The following VPS33A variants were observed in gnomAD, a reference collection of about 807,000 sequenced individuals.
VPS33A encodes vacuolar protein sorting-associated protein 33A.
VPS33A carries 32 observed loss-of-function variants against 71.8 expected under a neutral mutation model. That is an observed-to-expected ratio of 0.45 (90% confidence interval 0.34 to 0.60). The LOEUF is 0.60. Ranked by LOEUF, VPS33A falls within the 20% of genes least tolerant of loss-of-function variation. The pLI is 0.02. For synonymous variants in VPS33A, 311 were observed against 292.7 expected, an observed-to-expected ratio of 1.06 and a Z score of -0.64; for missense variants, 625 against 748.5, an observed-to-expected ratio of 0.84 and a Z score of 1.92.
At position 122,261,235 on chromosome 12, in the gene VPS33A, T is replaced by C. The variant is rs866034491; in HGVS notation, c.483+26A>G. 7 of 1,593,890 alleles carry C rather than the reference T, an allele frequency of 4.4e-6. No individual in the cohort carries two copies. The South Asian group carries it at 4.5e-5, about 10-fold the overall frequency. On this transcript the variant is annotated intron_variant, in intron 4 of 12. Coordinates refer to ENST00000267199, the MANE Select transcript of VPS33A (RefSeq NM_022916.6). ...CATAAACTGGGCAAAAATTAATGCC[T>C]GAAGTTAAGGAAATGCCAAACTTAC...
At chr12:122,239,624 C>T (rs1279997503) in intron 9 of VPS33A, among the ~76,000 whole-genome samples, 1 of 151,764 alleles carries the variant, frequency 6.6e-6, no homozygotes, top group East Asian at 1.9e-4. Context: ...GTCCCAGCTA[C>T]TCGGGAGGCT....
intron 8 of VPS33A, among the ~76,000 whole-genome samples, chr12:122,240,191 G>A (rs1250345767): frequency 6.6e-6 from 1 of 152,022 alleles, no homozygotes; most frequent in Non-Finnish European, 1.5e-5. Context: ...AGCTGGGTAT[G>A]GTGGCACACA....
chr12:122,265,564 T>C (rs938151456), intron 1 of VPS33A: 1 of 286,034 alleles, frequency 3.5e-6, no homozygotes, highest in African/African-American at 2.2e-5. Flanking sequence ...CAGCATCCTT[T>C]TCTGAATTGA....
chr12:122,263,778 C>G (rs549789832), intron 2 of VPS33A, 79 bp from the exon 3 acceptor site: 1 of 1,448,596 alleles, frequency 6.9e-7, no homozygotes, highest in East Asian at 2.3e-5. Flanking sequence ...ATCATAAATA[C>G]CCCCAATCAA....
At chr12:122,262,332 T>C (rs1484428686) in intron 3 of VPS33A, among the ~76,000 whole-genome samples, 1 of 152,206 alleles carries the variant, frequency 6.6e-6, no homozygotes, top group Non-Finnish European at 1.5e-5. Context: ...TATGGGGCAT[T>C]GAAGCTCTCA....
intron 4 of VPS33A, among the ~76,000 whole-genome samples, chr12:122,254,205 C>G (rs991649912): frequency 6.6e-6 from 1 of 152,124 alleles, no homozygotes; most frequent in African/African-American, 2.4e-5. Flanking sequence ...ATGGTCACAA[C>G]TGTAACTCAA....
chr12:122,266,301 C>T lies in VPS33A; in HGVS notation c.102+6G>A. On this transcript the variant is annotated splice_donor_region_variant and intron_variant, in intron 1 of 12. Transcript: ENST00000267199. Reference sequence around the variant, plus strand: ...GAGGGCGGTGTCGCTGCCTCCCGCCCCTCACCTTGCTTCCTGCGCACTTGT... The same window carrying T: ...GAGGGCGGTGTCGCTGCCTCCCGCCTCTCACCTTGCTTCCTGCGCACTTGT... 2 of 1,610,208 alleles carry T rather than the reference C, an allele frequency of 1.2e-6. No homozygotes were observed. Among genetic ancestry groups the T allele is most frequent in the Non-Finnish European group, 1.7e-6 (2 of 1,179,782 alleles).
chr12:122,260,392 C>T (rs571679215), intron 4 of VPS33A, among the ~76,000 whole-genome samples: 2 of 151,324 alleles, frequency 1.3e-5, no homozygotes, highest in Non-Finnish European at 2.9e-5. Context: ...CTCCACCTCC[C>T]GGGTTCAAGT....
chr12:122,262,937 G>A (rs1955016613), intron 3 of VPS33A, among the ~76,000 whole-genome samples: 1 of 151,542 alleles, frequency 6.6e-6, no homozygotes, highest in African/African-American at 2.4e-5. Flanking sequence ...AGAATGGGGG[G>A]ACACATCCTC....
At chr12:122,247,937 C>G (rs1039389326) in intron 6 of VPS33A, among the ~76,000 whole-genome samples, 3 of 152,166 alleles carry the variant, frequency 2.0e-5, no homozygotes, top group African/African-American at 7.2e-5. Flanking sequence ...CACTCTGTCA[C>G]CCGGGCTGGA....
chr12:122,239,980 T>G (rs1416783237), intron 8 of VPS33A, 35 bp from the exon 9 acceptor site: 10 of 1,494,298 alleles, frequency 6.7e-6, no homozygotes, highest in African/African-American at 2.8e-5. Context: ...AACTTAGAAA[T>G]TAAATGTTAA....
chr12:122,234,003 G>A (rs191312629), intron 11 of VPS33A, among the ~76,000 whole-genome samples: 2 of 152,234 alleles, frequency 1.3e-5, no homozygotes, highest in African/African-American at 4.8e-5. Flanking sequence ...ATGAGCTTTT[G>A]TTGCAAGAGG....
intron 10 of VPS33A, 92 bp downstream of exon 10, chr12:122,238,495 T>C: frequency 2.1e-6 from 3 of 1,450,374 alleles, no homozygotes; most frequent in South Asian, 2.8e-5. Flanking sequence ...GTGCTGGGAT[T>C]ACAGGCGTAA....
At position 122,235,934 on chromosome 12, in the gene VPS33A, A is replaced by T; in HGVS notation, c.1303-11T>A. 6.3e-7 allele frequency: 1 copy of T among 1,595,242 alleles called. No individual in the cohort carries two copies. Among genetic ancestry groups the T allele is most frequent in the South Asian group, 1.1e-5 (1 of 87,850 alleles). ...CTCATAGCCGTATGTCTGCAAGGGAAGTCATTTGGCCTTGATGTCAGATCA... is the reference window on the plus strand; with the variant it reads ...CTCATAGCCGTATGTCTGCAAGGGATGTCATTTGGCCTTGATGTCAGATCA... On this transcript the variant is annotated splice_polypyrimidine_tract_variant and intron_variant, in intron 10 of 12. Coordinates refer to ENST00000267199, the MANE Select transcript of VPS33A (RefSeq NM_022916.6).
intron 6 of VPS33A, among the ~76,000 whole-genome samples, chr12:122,247,786 C>T (rs1023899292): frequency 3.3e-5 from 5 of 152,060 alleles, no homozygotes; most frequent in Non-Finnish European, 7.4e-5. Flanking sequence ...GTGGTGACTC[C>T]CCATCCCCTT....
At chr12:122,245,507 G>T (rs1201843634) in intron 6 of VPS33A, among the ~76,000 whole-genome samples, 6 of 149,368 alleles carry the variant, frequency 4.0e-5, no homozygotes, top group Non-Finnish European at 5.9e-5. Context: ...GCAATGGCAC[G>T]ATCTCGGCTC....
intron 4 of VPS33A, among the ~76,000 whole-genome samples, chr12:122,256,626 C>CCAGCAG (rs988804197): frequency 6.7e-6 from 1 of 150,054 alleles, no homozygotes; most frequent in Non-Finnish European, 1.5e-5. Context: ...AGCAGCGGCA[C>CCAGCAG]CAGCAGCAGC....
At chr12:122,252,560 G>A (rs1020178509) in intron 4 of VPS33A, among the ~76,000 whole-genome samples, 1 of 151,658 alleles carries the variant, frequency 6.6e-6, no homozygotes, top group African/African-American at 2.4e-5. Flanking sequence ...GTGAGCCACC[G>A]CGCCCAGCCG....
At chr12:122,238,520 C>A in intron 10 of VPS33A, 67 bp downstream of exon 10, 1 of 1,546,068 alleles carries the variant, frequency 6.5e-7, no homozygotes, top group Non-Finnish European at 8.7e-7. Flanking sequence ...CTGTGCCCGG[C>A]CCATGAAGTA....
Sources: gnomAD v4.1 joint callset for allele counts (sites outside exome capture counted in the v4.1 genomes callset) on GRCh38, gnomAD v4.1.1 for gene constraint, MANE v1.5 for transcripts, NCBI Gene and HGNC (gene_info 2026-07-23, HGNC 2026-07-21) for gene names.